The following ATP8A2 variants were observed in gnomAD, a reference collection of about 807,000 sequenced individuals.
ATP8A2 encodes phospholipid-transporting ATPase IB.
In ATP8A2, 100 loss-of-function variants were observed where a neutral mutation model predicts 165.6. The ratio of observed to expected loss-of-function variants is 0.60; its 90% CI spans 0.51 to 0.71. ATP8A2 has a LOEUF of 0.71. ATP8A2 is among the 30% of genes least tolerant of loss of function. The pLI is 0.00. For missense variants in ATP8A2, 1,227 were observed against 1,479.5 expected (o/e 0.83, Z 2.80); for synonymous variants, 543 against 548.8 (o/e 0.99, Z 0.15).
rs577223703 is a variant in ATP8A2, at chr13:25,612,673, AG to A, written c.2211+22975del. Among the ~76,000 whole-genome samples, 275 of 152,248 alleles carry A rather than the reference AG, an allele frequency of 1.8e-3. 1 individual carries two copies. Among genetic ancestry groups the A allele is most frequent in the African/African-American group, 6.5e-3 (271 of 41,544 alleles). On this transcript the variant is annotated intron_variant, in intron 24 of 36. Transcript: ENST00000381655. ...TCCATTTGTTCTGGGGTATAGTTTA[AG>A]TACATTGTTTCTTTGTTGAATTTCT...
chr13:25,686,429 T>C (rs961244980), intron 24 of ATP8A2, among the ~76,000 whole-genome samples: 4 of 152,052 alleles, frequency 2.6e-5, no homozygotes, highest in Non-Finnish European at 5.9e-5. Context: ...AAGCTGTACA[T>C]GCTCAGTGAC....
chr13:25,888,510 A>G (rs183424518), intron 33 of ATP8A2, among the ~76,000 whole-genome samples: 43 of 152,344 alleles, frequency 2.8e-4, no homozygotes, highest in African/African-American at 7.7e-4. Context: ...GTGGCTTGGA[A>G]TATACAATGT....
chr13:25,953,129 G>A lies in ATP8A2; in HGVS notation c.3184-8446G>A, dbSNP rs547237903. ...TGTTTTATTTTGTTGTTGTGTTGTC[G>A]ATGCTGGGTGGGAATGGATTGGAAA... On this transcript the variant is annotated intron_variant, in intron 33 of 36. Transcript: ENST00000381655. The surrounding 1 kb of genome is among the most constrained non-coding windows in gnomAD (Gnocchi z 6.7). 2.2e-4 allele frequency among the ~76,000 whole-genome samples: 34 copies of A among 152,236 alleles called. No individual in the cohort carries two copies. Among genetic ancestry groups the A allele is most frequent in the African/African-American group, 6.0e-4 (25 of 41,534 alleles).
chr13:25,710,321 G>T (rs1406007579), intron 25 of ATP8A2, among the ~76,000 whole-genome samples: 3 of 152,006 alleles, frequency 2.0e-5, no homozygotes, highest in Non-Finnish European at 4.4e-5. Context: ...ATAAATTATT[G>T]TTAACTATAG....
chr13:25,618,902 A>T (rs2137443735), intron 24 of ATP8A2, among the ~76,000 whole-genome samples: 1 of 151,966 alleles, frequency 6.6e-6, no homozygotes, highest in Non-Finnish European at 1.5e-5. Context: ...AAATGAAAGA[A>T]CTCCCAGTTC....
rs371606529 is a variant in ATP8A2 at position 25,706,425 on chromosome 13, C to T, written c.2384+7080C>T. Among the ~76,000 whole-genome samples the T allele has an allele frequency of 2.6e-4, 40 of 152,290 alleles. 1 individual carries two copies. The South Asian group carries it at 8.3e-3, about 32-fold the overall frequency. ...TTAGACTACTTAATGTAGAAAAGAACTGGCTCTTCTGATTTGGTTCCTTCC... is the reference window on the plus strand; with the variant it reads ...TTAGACTACTTAATGTAGAAAAGAATTGGCTCTTCTGATTTGGTTCCTTCC... On this transcript the variant is annotated intron_variant, in intron 25 of 36. Transcript: ENST00000381655.
intron 25 of ATP8A2, among the ~76,000 whole-genome samples, chr13:25,727,630 A>G (rs1439168859): frequency 6.6e-6 from 1 of 152,220 alleles, no homozygotes; most frequent in African/African-American, 2.4e-5. Context: ...AACATAAACT[A>G]TAAAATGTCC....
intron 25 of ATP8A2, among the ~76,000 whole-genome samples, chr13:25,754,311 C>T (rs925864038): frequency 1.4e-4 from 21 of 152,166 alleles, no homozygotes; most frequent in Admixed American, 9.2e-4. Flanking sequence ...GCCACTATGC[C>T]GGCTGCCCAG....
rs1234814994 is a variant in ATP8A2, at chr13:25,695,180, G to A, written c.2212-3993G>A. On this transcript the variant is annotated intron_variant, in intron 24 of 36. Coordinates refer to ENST00000381655, the MANE Select transcript of ATP8A2 (RefSeq NM_016529.6). Reference sequence around the variant, plus strand: ...GTGCATATAAAAGTTATGTTTACACGGTACTGTACTCTATTAAGTGTGCAA... The same window carrying A: ...GTGCATATAAAAGTTATGTTTACACAGTACTGTACTCTATTAAGTGTGCAA... Among the ~76,000 whole-genome samples the A allele has an allele frequency of 3.3e-5, 5 of 150,630 alleles. No individual in the cohort carries two copies. In the South Asian group the frequency reaches 6.3e-4, roughly 19 times the overall value.
rs114573876 is a variant in ATP8A2 at position 25,866,907 on chromosome 13, C to T, written c.3183+4499C>T. Among the ~76,000 whole-genome samples, 547 of 152,264 alleles carry T rather than the reference C, an allele frequency of 3.6e-3. 4 individuals are homozygous for T. Among genetic ancestry groups the T allele is most frequent in the African/African-American group, 0.013 (534 of 41,554 alleles). Reference sequence around the variant, plus strand: ...GGTTACGTAGGATGCCAGCTGGTGACGGTGACCACCGTAAGGGCAGCTAGC... The same window carrying T: ...GGTTACGTAGGATGCCAGCTGGTGATGGTGACCACCGTAAGGGCAGCTAGC... On this transcript the variant is annotated intron_variant, in intron 33 of 36. Transcript: ENST00000381655.
In ATP8A2 at chr13:25,837,113, C is replaced by G. The variant is rs750477804; in HGVS notation, c.2755-50C>G. ...CATTTGGTAGAAGGGAACAATGAAG[C>G]CGTGTGGATCCGAAGGGCTGCTTTT... is the stretch of plus-strand genomic sequence containing the variant. On this transcript the variant is annotated intron_variant, in intron 28 of 36. Transcript: ENST00000381655. 2.4e-5 allele frequency: 38 copies of G among 1,592,800 alleles called. 1 individual carries two copies. The South Asian group carries it at 2.6e-4, about 11-fold the overall frequency.
intron 30 of ATP8A2, among the ~76,000 whole-genome samples, chr13:25,840,363 C>G (rs951114995): frequency 8.5e-5 from 13 of 152,170 alleles, no homozygotes; most frequent in African/African-American, 3.1e-4. Flanking sequence ...GTTCAAAGAA[C>G]CAAAGAATAT....
chr13:25,559,894 C>T (rs962504714), intron 15 of ATP8A2, 129 bp downstream of exon 15: 17 of 674,062 alleles, frequency 2.5e-5, no homozygotes, highest in African/African-American at 2.0e-4. Context: ...GTGATACTGT[C>T]ATAGCTCACT....
At chr13:25,968,481 C>T in intron 34 of ATP8A2, 94 bp from the exon 35 acceptor site, 1 of 1,072,064 alleles carries the variant, frequency 9.3e-7, no homozygotes, top group Non-Finnish European at 1.4e-6. Flanking sequence ...CACCAAAGGG[C>T]ATTTGGCTGT....
chr13:25,388,179 G>A (rs144078555), intron 1 of ATP8A2, among the ~76,000 whole-genome samples: 1 of 152,198 alleles, frequency 6.6e-6, no homozygotes, highest in African/African-American at 2.4e-5. Flanking sequence ...AGGAAGGGAG[G>A]GAAGGAGAGA....
intron 33 of ATP8A2, among the ~76,000 whole-genome samples, chr13:25,884,108 G>A (rs987688940): frequency 6.6e-6 from 1 of 152,088 alleles, no homozygotes; most frequent in African/African-American, 2.4e-5. Context: ...CCCTTGTACC[G>A]ACATGGTGGG....
intron 24 of ATP8A2, among the ~76,000 whole-genome samples, chr13:25,689,692 A>T (rs906330899): frequency 2.0e-5 from 3 of 152,190 alleles, no homozygotes; most frequent in African/African-American, 7.2e-5. Flanking sequence ...GCATTGATTC[A>T]TTGTGTCCCT....
chr13:25,614,228 G>A (rs977073961), intron 24 of ATP8A2, among the ~76,000 whole-genome samples: 3 of 151,806 alleles, frequency 2.0e-5, no homozygotes, highest in Admixed American at 2.0e-4. Flanking sequence ...TCATTTTTTT[G>A]TATTGTTGGA....
chr13:25,572,161 G>T (rs907342360), intron 18 of ATP8A2, among the ~76,000 whole-genome samples: 1 of 151,912 alleles, frequency 6.6e-6, no homozygotes, highest in African/African-American at 2.4e-5. Context: ...TTGAGACAGG[G>T]TCTCACTCTG....
Sources: gnomAD v4.1 joint callset for allele counts (sites outside exome capture counted in the v4.1 genomes callset) on GRCh38, gnomAD v4.1.1 for gene constraint, Gnocchi (gnomAD v3.1) non-coding constraint, MANE v1.5 for transcripts, NCBI Gene and HGNC (gene_info 2026-07-23, HGNC 2026-07-21) for gene names.